YES1: variants seen among roughly 807,000 people sequenced by gnomAD.
YES1 encodes the protein tyrosine-protein kinase Yes.
Under a neutral mutation model 70.4 loss-of-function variants are expected in YES1, and 39 were observed. That is an observed-to-expected ratio of 0.55 (90% CI 0.43 to 0.72). The LOEUF (loss-of-function observed/expected upper bound fraction) is 0.72, where lower values mean the gene tolerates loss of function less well. Among genes scored for constraint, YES1 ranks in the 30% least tolerant of loss-of-function variants. The pLI is 0.00. For synonymous variants in YES1, 198 were observed against 218.6 expected (o/e 0.91, Z 0.83); for missense variants, 495 against 644.8 (o/e 0.77, Z 2.52).
At chr18:759,713 TTC>T (rs1904481411) in intron 1 of YES1, among the ~76,000 whole-genome samples, 4 of 152,166 alleles carry the variant, frequency 2.6e-5, no homozygotes, top group Non-Finnish European at 1.5e-5. Context: ...ATTTCTTTTT[TTC>T]TTTTATTATT....
rs747579580 is a variant in YES1 at position 732,916 on chromosome 18, A to T, written c.1341T>A (p.Gly447=). ...KWTAPEAALY[G]RFTIKSDVWS... is the part of the protein sequence containing the mutation. ...AGACATCAGACTTTATTGTAAACCG[A>T]CCATACAGTGCAGCTTCAGGAGCTG... is the stretch of plus-strand genomic sequence containing the variant. The change falls in exon 11 of 12, where the codon GGT becomes GGA. Residue 447 remains glycine (G), a synonymous_variant. Coordinates refer to ENST00000314574, the MANE Select transcript of YES1 (RefSeq NM_005433.4). The T allele has an allele frequency of 1.9e-6, 3 of 1,614,032 alleles. No individual in the cohort carries two copies. The highest frequency in any genetic ancestry group is 3.3e-5 in the Admixed American group (2 of 59,984).
At chr18:785,287 G>T (rs1029127147) in intron 1 of YES1, among the ~76,000 whole-genome samples, 1 of 152,196 alleles carries the variant, frequency 6.6e-6, no homozygotes, top group African/African-American at 2.4e-5. Context: ...AACTCTCAAA[G>T]TAAAACCAAG....
Position 812,129 on chromosome 18 carries a change from G to GCT in YES1, c.-26_-25dup, listed in dbSNP as rs911336102. ...GGGTCCTTACCTGTCCTCCGGCCGC[G>GCT]CTCTCATGAGTCGCTGCTACCGCAG... On this transcript the variant is annotated 5_prime_UTR_variant, in exon 1 of 12. Coordinates refer to ENST00000314574, the MANE Select transcript of YES1 (RefSeq NM_005433.4). The GCT allele has an allele frequency of 6.5e-6, 1 of 152,916 alleles. No individual in the cohort carries two copies. Among genetic ancestry groups the GCT allele is most frequent in the African/African-American group, 2.4e-5 (1 of 41,402 alleles). 9.5% of individuals were successfully genotyped at this position (152,916 alleles called of 1,614,324 possible). A position where few individuals can be genotyped will look rare whatever the true frequency, so the allele number is the denominator to read the frequency against.
intron 1 of YES1, among the ~76,000 whole-genome samples, chr18:799,744 T>C (rs1263880158): frequency 6.8e-6 from 1 of 147,952 alleles, no homozygotes; most frequent in African/African-American, 2.5e-5. Context: ...CAAATACAAA[T>C]ACAAAAATTA....
intron 2 of YES1, among the ~76,000 whole-genome samples, chr18:752,397 AC>A (rs2080354359): frequency 1.3e-5 from 2 of 152,306 alleles, no homozygotes; most frequent in African/African-American, 4.8e-5. Context: ...GACGTGAGCC[AC>A]TGTGCCCAGC....
At position 802,764 on chromosome 18, in the gene YES1, T is replaced by A. The variant is rs1369157546; in HGVS notation, c.-9+9350A>T. 6.6e-5 allele frequency among the ~76,000 whole-genome samples: 10 copies of A among 152,056 alleles called. 1 individual carries two copies. The highest frequency in any genetic ancestry group is 6.5e-4 in the Admixed American group (10 of 15,270). On this transcript the variant is annotated intron_variant, in intron 1 of 11. Transcript: ENST00000314574. The stretch of plus-strand genomic sequence containing the variant: ...GCAAATTATATATACTTTCTGATTC[T>A]CAGTTTCTTTATCTGTAATAAATAC...
chr18:734,408 A>T (rs1402351007), intron 10 of YES1, among the ~76,000 whole-genome samples: 1 of 151,364 alleles, frequency 6.6e-6, no homozygotes, highest in African/African-American at 2.4e-5. Context: ...CAAAAAAAAA[A>T]ATTAGCCGAG....
At chr18:729,972 TCTA>T (rs1327751836) in intron 11 of YES1, among the ~76,000 whole-genome samples, 1 of 152,162 alleles carries the variant, frequency 6.6e-6, no homozygotes, top group Non-Finnish European at 1.5e-5. Context: ...TCTTCATATA[TCTA>T]GTAACTTTTT....
intron 1 of YES1, among the ~76,000 whole-genome samples, chr18:779,894 C>T (rs1162972785): frequency 6.6e-6 from 1 of 151,152 alleles, no homozygotes; most frequent in Non-Finnish European, 1.5e-5. Context: ...GTTTCTATAA[C>T]AATGTATGTA....
intron 1 of YES1, among the ~76,000 whole-genome samples, chr18:765,249 T>C (rs1251212573): frequency 3.8e-4 from 1 of 2,652 alleles, no homozygotes; most frequent in East Asian, 8.2e-3. Context: ...GAGTTACAAC[T>C]ATATATATAT....
rs76243293 is a variant in YES1 at position 754,489 on chromosome 18, C to G, written c.271+2068G>C. On this transcript the variant is annotated intron_variant, in intron 2 of 11. Transcript: ENST00000314574. ...TGGGAGGCCAAGGCAGGCACATCCC[C>G]TAAATCAGGAGTTTAAGACCAGCCT... 1.9e-4 allele frequency among the ~76,000 whole-genome samples: 29 copies of G among 152,158 alleles called. No individual in the cohort carries two copies. The East Asian group carries it at 5.2e-3, about 27-fold the overall frequency.
chr18:795,040 A>G (rs962223287), intron 1 of YES1, among the ~76,000 whole-genome samples: 1 of 151,826 alleles, frequency 6.6e-6, no homozygotes, highest in African/African-American at 2.4e-5. Context: ...GTCTCAATCT[A>G]CTGATCTCGT....
chr18:740,600 G>A (rs368812552), intron 8 of YES1, among the ~76,000 whole-genome samples: 1 of 152,168 alleles, frequency 6.6e-6, no homozygotes, highest in African/African-American at 2.4e-5. Context: ...ACAAAGAGCA[G>A]AACAGTGGGT....
At chr18:750,424 ATT>A (rs2080329526) in intron 3 of YES1, among the ~76,000 whole-genome samples, 1 of 152,204 alleles carries the variant, frequency 6.6e-6, no homozygotes, top group African/African-American at 2.4e-5. Flanking sequence ...GGACTTGATC[ATT>A]CTTTGTTGTG....
At chr18:802,967 CCT>C (rs1345461644) in intron 1 of YES1, among the ~76,000 whole-genome samples, 1 of 151,228 alleles carries the variant, frequency 6.6e-6, no homozygotes, top group Non-Finnish European at 1.5e-5. Flanking sequence ...GTGGCTCACA[CCT>C]GTTTTCCCAG....
In YES1 at chr18:785,621, G is replaced by A. The variant is rs191730332; in HGVS notation, c.-9+26493C>T. On this transcript the variant is annotated intron_variant, in intron 1 of 11. Transcript: ENST00000314574. ...ACGTGTTGGAAGCTTAATCCACAAT[G>A]CAACAGTGTTGAGAGGTGGGATCTT... Among the ~76,000 whole-genome samples the A allele has an allele frequency of 2.6e-5, 4 of 152,200 alleles. No homozygotes were observed. In the East Asian group the frequency reaches 7.7e-4, roughly 29 times the overall value.
intron 1 of YES1, among the ~76,000 whole-genome samples, chr18:787,641 C>T (rs774007197): frequency 4.6e-5 from 7 of 151,618 alleles, no homozygotes; most frequent in Non-Finnish European, 7.4e-5. Context: ...ACCTGGGATG[C>T]GGAGGTTGCA....
At chr18:790,237 G>A (rs1448648554) in intron 1 of YES1, among the ~76,000 whole-genome samples, 5 of 151,710 alleles carry the variant, frequency 3.3e-5, no homozygotes, top group African/African-American at 7.3e-5. Flanking sequence ...TTAGCCAGGC[G>A]TGGTGGCATG....
At chr18:748,158 A>C (rs1471020238) in intron 3 of YES1, 140 bp from the exon 4 acceptor site, 2 of 651,758 alleles carry the variant, frequency 3.1e-6, no homozygotes, top group African/African-American at 1.8e-5. Flanking sequence ...TGAAGAATTA[A>C]ACTCAAAGAA....
Sources: allele counts gnomAD v4.1 joint callset (sites outside exome capture counted in the v4.1 genomes callset), GRCh38; gene constraint gnomAD v4.1.1; transcripts MANE v1.5; gene names NCBI Gene and HGNC (gene_info 2026-07-23, HGNC 2026-07-21).